Variants in TLCD3B observed in about 807,000 individuals in gnomAD.
TLCD3B encodes the protein TLC domain containing 3B.
Under a neutral mutation model 23.0 loss-of-function variants are expected in TLCD3B, and 9 were observed. The observed-to-expected ratio is 0.39, with a 90% CI of 0.24 to 0.68. The LOEUF (loss-of-function observed/expected upper bound fraction) is 0.68. TLCD3B is among the 30% of genes least tolerant of loss of function. The probability of loss-of-function intolerance (pLI) is 0.44; values close to 1 mark genes in which losing one functional copy is unlikely to be tolerated. For missense variants in TLCD3B, 307 were observed against 371.8 expected (o/e 0.83, Z 1.43); for synonymous variants, 161 against 161.0 (o/e 1.00, Z 0.00).
rs1472177946 is a variant in TLCD3B, at chr16:30,030,439, C to A, written c.89G>T (p.Arg30Leu). 6.2e-7 allele frequency: 1 copy of A among 1,603,124 alleles called. No homozygotes were observed. Among genetic ancestry groups the A allele is most frequent in the Non-Finnish European group, 8.5e-7 (1 of 1,175,756 alleles). The stretch of plus-strand genomic sequence containing the variant: ...AATGACTGCGTCGGCCTCCTCCCAG[C>A]GTAGCTGGGGCAGCCGCTGGAGCGT... ...KNTLQRLPQLRWEEADAVIVS... is the reference protein window; with the variant it reads ...KNTLQRLPQLLWEEADAVIVS... The change falls in exon 1 of 5, where the codon CGC (arginine) becomes CTC (leucine). Residue 30 changes from arginine to leucine, a missense_variant. Transcript: ENST00000380495.
intron 1 of TLCD3B, among the ~76,000 whole-genome samples, chr16:30,051,827 C>T (rs768946486): frequency 1.3e-5 from 2 of 152,096 alleles, no homozygotes; most frequent in African/African-American, 2.4e-5. Flanking sequence ...AAACTGAGGA[C>T]GTGCTTGAGG....
In TLCD3B at chr16:30,029,979, C is replaced by T; in HGVS notation, c.125+424G>A. On this transcript the variant is annotated intron_variant, in intron 1 of 4. Transcript: ENST00000380495. The surrounding 1 kb of genome is among the most constrained non-coding windows in gnomAD (Gnocchi z 4.6). The stretch of plus-strand genomic sequence containing the variant: ...CCACTGTCTCCTGACTGCCACCAGC[C>T]TCCACTCTGCACTCTGGCCCTGTTC... 1.6e-6 allele frequency: 2 copies of T among 1,274,512 alleles called. No individual in the cohort carries two copies. Among genetic ancestry groups the T allele is most frequent in the Non-Finnish European group, 2.1e-6 (2 of 958,740 alleles). The allele number at this position is 1,274,512 out of a possible 1,614,324, so 79.0% of individuals were successfully genotyped here. A position where few individuals can be genotyped will look rare whatever the true frequency, so the allele number is the denominator to read the frequency against.
rs1054224412 is a variant in TLCD3B at position 30,024,937 on chromosome 16, G to A, written c.*246C>T. The A allele has an allele frequency of 1.1e-4, 48 of 450,620 alleles. No homozygotes were observed. The highest frequency in any genetic ancestry group is 9.9e-4 in the African/African-American group (48 of 48,498). 27.9% of individuals were successfully genotyped at this position (450,620 alleles called of 1,614,324 possible). ...CAAGCCCTCCTGCCCTCAGTGGGTG[G>A]GAGGCGGTGCCCCCTCCCCTCCTCC... On this transcript the variant is annotated 3_prime_UTR_variant, in exon 5 of 5. Transcript: ENST00000380495.
chr16:30,025,632 C>T lies in TLCD3B; in HGVS notation c.540+94G>A, dbSNP rs966548166. ...AATGCACGGGGTGAGGGGGGGATGA[C>T]GAAGGGGCTAGAGCCCTTGGCAGCA... On this transcript the variant is annotated intron_variant, in intron 4 of 4. Coordinates refer to ENST00000380495, the MANE Select transcript of TLCD3B (RefSeq NM_031478.6). This position sits in a 1 kb window ranked among gnomAD's most constrained non-coding sequence, Gnocchi z 4.1. 22 of 1,486,046 alleles carry T rather than the reference C, an allele frequency of 1.5e-5. No individual in the cohort carries two copies. The highest frequency in any genetic ancestry group is 5.0e-5 in the Admixed American group (3 of 59,866). 92.1% of individuals were successfully genotyped at this position (1,486,046 alleles called of 1,614,324 possible).
intron 3 of TLCD3B, among the ~76,000 whole-genome samples, chr16:30,038,928 C>T (rs1567307242): frequency 2.0e-5 from 3 of 151,896 alleles, no homozygotes; most frequent in Non-Finnish European, 4.4e-5. Context: ...TTTTTAAAAT[C>T]ATATTTTCTG....
chr16:30,033,743 T>C (rs2071413869), upstream of TLCD3B: 1 of 152,000 alleles, frequency 6.6e-6, no homozygotes, highest in Non-Finnish European at 1.5e-5. Flanking sequence ...GCAGATCACC[T>C]GAGATCAGGA....
At chr16:30,028,187 G>A (rs2071231538) in intron 2 of TLCD3B, among the ~76,000 whole-genome samples, 1 of 152,224 alleles carries the variant, frequency 6.6e-6, no homozygotes, top group Admixed American at 6.5e-5. Context: ...AGATGGGACA[G>A]CTGGGCTGGT....
At chr16:30,027,765 T>C in intron 2 of TLCD3B, 1 of 426,992 alleles carries the variant, frequency 2.3e-6, no homozygotes, top group Non-Finnish European at 4.8e-6. Flanking sequence ...AATCCTGTAG[T>C]CCCAAGACTG....
At chr16:30,047,763 A>ATT (rs538919957) in intron 1 of TLCD3B, among the ~76,000 whole-genome samples, 66,021 of 144,880 alleles carry the variant, frequency 0.46, 14,926 homozygotes, top group African/African-American at 0.47. Context: ...GTGGCCTATA[A>ATT]TTTTTTTTTT....
At chr16:30,026,461 C>G (rs1025072282) in intron 3 of TLCD3B, 148 bp downstream of exon 3, 28 of 722,206 alleles carry the variant, frequency 3.9e-5, no homozygotes, top group South Asian at 5.5e-5. Context: ...CTCAGTGAAC[C>G]CTGCCTGTCC....
intron 1 of TLCD3B, among the ~76,000 whole-genome samples, chr16:30,051,844 G>A (rs2071760793): frequency 6.6e-6 from 1 of 152,208 alleles, no homozygotes; most frequent in African/African-American, 2.4e-5. Context: ...GAGGGATGAG[G>A]AAGAGGTTTG....
chr16:30,047,076 T>C (rs2071684973), intron 1 of TLCD3B, among the ~76,000 whole-genome samples: 1 of 152,102 alleles, frequency 6.6e-6, no homozygotes. Flanking sequence ...TCCTCCCTCT[T>C]CAGCCTCCTA....
In TLCD3B at chr16:30,030,461, G is replaced by A. The variant is rs748923004; in HGVS notation, c.67C>T (p.Leu23Phe). 1 of 1,607,876 alleles carries A rather than the reference G, an allele frequency of 6.2e-7. No homozygotes were observed. The highest frequency in any genetic ancestry group is 8.5e-7 in the Non-Finnish European group (1 of 1,177,860). ...PGLFLLSKNTLQRLPQLRWEE... is the reference protein window; with the variant it reads ...PGLFLLSKNTFQRLPQLRWEE... ...CAGCGTAGCTGGGGCAGCCGCTGGA[G>A]CGTGTTCTTGGAGAGGAGGAAGAGT... The change falls in exon 1 of 5, where the codon CTC (leucine) becomes TTC (phenylalanine). Residue 23 changes from leucine to phenylalanine, a missense_variant. Leu to Phe is a conservative substitution (Grantham distance 22). Transcript: ENST00000380495.
At chr16:30,026,457 G>A in intron 3 of TLCD3B, 152 bp downstream of exon 3, 1 of 705,514 alleles carries the variant, frequency 1.4e-6, no homozygotes, top group South Asian at 1.9e-5. Context: ...GGTGCTCAGT[G>A]AACCCTGCCT....
chr16:30,051,558 A>G (rs968633728), intron 1 of TLCD3B, among the ~76,000 whole-genome samples: 1 of 151,582 alleles, frequency 6.6e-6, no homozygotes, highest in African/African-American at 2.4e-5. Flanking sequence ...AAGAAAAAAG[A>G]AAGAAAGAAA....
chr16:30,035,030 GCCTC>G, upstream of TLCD3B: 1 of 185,840 alleles, frequency 5.4e-6, no homozygotes, highest in South Asian at 9.5e-5. Context: ...CCCTGTCTCA[GCCTC>G]CAGAGTAGCT....
At position 30,026,614 on chromosome 16, in the gene TLCD3B, A is replaced by T; in HGVS notation, c.439T>A (p.Ser147Thr). 1 of 1,598,378 alleles carries T rather than the reference A, an allele frequency of 6.3e-7. No homozygotes were observed. Among genetic ancestry groups the T allele is most frequent in the Non-Finnish European group, 8.6e-7 (1 of 1,167,278 alleles). Residue 147 changes from serine to threonine, a missense_variant, in exon 3 of 5, where the codon TCA becomes ACA. Physicochemically the swap from Ser to Thr is moderately conservative, Grantham distance 58. Coordinates refer to ENST00000380495, the MANE Select transcript of TLCD3B (RefSeq NM_031478.6). ...CCCAGCTCCCCGGGACTCACCACTG[A>T]GAGTGGGAAGCACACCAGCACCATG... ...AAMVLVCFPL[S>T]VVWRQGKGDF...
intron 3 of TLCD3B, among the ~76,000 whole-genome samples, chr16:30,040,640 T>C (rs1007363476): frequency 6.6e-6 from 1 of 151,500 alleles, no homozygotes; most frequent in Non-Finnish European, 1.5e-5. Flanking sequence ...AGCACCCCTC[T>C]GCAGTTATTT....
At position 30,029,085 on chromosome 16, in the gene TLCD3B, A is replaced by G. The variant is rs1048437418; in HGVS notation, c.209+347T>C. Among the ~76,000 whole-genome samples, 2 of 151,962 alleles carry G rather than the reference A, an allele frequency of 1.3e-5. No individual in the cohort carries two copies. Among genetic ancestry groups the G allele is most frequent in the African/African-American group, 4.8e-5 (2 of 41,366 alleles). On this transcript the variant is annotated intron_variant, in intron 2 of 4. Transcript: ENST00000380495. This position sits in a 1 kb window ranked among gnomAD's most constrained non-coding sequence, Gnocchi z 4.6. Reference sequence around the variant, plus strand: ...GGTGAGCCTGGCATGAGGAGGGGGCACCCCATCTGGGTGCTGGCTGGAAAT... The same window carrying G: ...GGTGAGCCTGGCATGAGGAGGGGGCGCCCCATCTGGGTGCTGGCTGGAAAT...
Sources: gnomAD v4.1 joint callset for allele counts (sites outside exome capture counted in the v4.1 genomes callset) on GRCh38, gnomAD v4.1.1 for gene constraint, Gnocchi (gnomAD v3.1) non-coding constraint, MANE v1.5 for transcripts, NCBI Gene and HGNC (gene_info 2026-07-23, HGNC 2026-07-21) for gene names.